The following ZCCHC4 variants were observed in gnomAD, a reference collection of about 807,000 sequenced individuals.
The protein encoded by ZCCHC4 is zinc finger CCHC-type containing 4.
ZCCHC4 carries 54 observed loss-of-function variants against 67.7 expected under a neutral mutation model. The ratio of observed to expected loss-of-function variants is 0.80; its 90% CI spans 0.64 to 1.00. The LOEUF is 1.00. Ranked by LOEUF, ZCCHC4 falls within the 50% of genes least tolerant of loss-of-function variation. ZCCHC4 has a pLI of 0.00. For synonymous variants in ZCCHC4, 198 were observed against 213.5 expected (o/e 0.93, Z 0.63); for missense variants, 609 against 617.0 (o/e 0.99, Z 0.14).
intron 3 of ZCCHC4, among the ~76,000 whole-genome samples, chr4:25,324,329 T>A (rs1718750677): frequency 6.6e-6 from 1 of 152,154 alleles, no homozygotes; most frequent in African/African-American, 2.4e-5. Flanking sequence ...TGTACTGTTT[T>A]TTAAGGGCAG....
intron 3 of ZCCHC4, among the ~76,000 whole-genome samples, chr4:25,317,063 C>G (rs979088436): frequency 6.6e-6 from 1 of 152,164 alleles, no homozygotes. Flanking sequence ...TTATCTCTTA[C>G]CTGTGTCACT....
intron 8 of ZCCHC4, among the ~76,000 whole-genome samples, chr4:25,360,003 C>T (rs1434841512): frequency 6.6e-6 from 1 of 152,232 alleles, no homozygotes; most frequent in Non-Finnish European, 1.5e-5. Context: ...GCTGTGCCGT[C>T]TATCACGGAC....
At chr4:25,317,651 G>A (rs902337078) in intron 3 of ZCCHC4, among the ~76,000 whole-genome samples, 2 of 134,772 alleles carry the variant, frequency 1.5e-5, no homozygotes, top group Non-Finnish European at 3.1e-5. Context: ...GCAGAGGTGA[G>A]CCAAGATCGT....
chr4:25,362,759 G>T (rs1459700833), intron 10 of ZCCHC4, among the ~76,000 whole-genome samples: 1 of 152,172 alleles, frequency 6.6e-6, no homozygotes, highest in Non-Finnish European at 1.5e-5. Context: ...GCCTTATTAG[G>T]TGCAGTTACT....
At chr4:25,328,599 A>G (rs1005066881) in intron 3 of ZCCHC4, among the ~76,000 whole-genome samples, 4 of 148,502 alleles carry the variant, frequency 2.7e-5, no homozygotes, top group African/African-American at 1.0e-4. Flanking sequence ...TTGTTTGTTT[A>G]GAGAAAGGAT....
chr4:25,331,460 A>C (rs1375810744), intron 3 of ZCCHC4, among the ~76,000 whole-genome samples: 1 of 151,878 alleles, frequency 6.6e-6, no homozygotes, highest in Non-Finnish European at 1.5e-5. Flanking sequence ...ACATACCACC[A>C]CACCTGGCTA....
At chr4:25,316,350 G>A (rs1718263908) in intron 3 of ZCCHC4, among the ~76,000 whole-genome samples, 1 of 152,162 alleles carries the variant, frequency 6.6e-6, no homozygotes, top group African/African-American at 2.4e-5. Context: ...CCTAGATGTG[G>A]AATTGTCAGT....
chr4:25,353,990 T>G (rs1436868746), intron 8 of ZCCHC4, among the ~76,000 whole-genome samples: 1 of 152,190 alleles, frequency 6.6e-6, no homozygotes, highest in Non-Finnish European at 1.5e-5. Flanking sequence ...CAAAAGTAAT[T>G]ACAGTTTTTG....
intron 6 of ZCCHC4, among the ~76,000 whole-genome samples, chr4:25,348,848 G>A (rs1431359108): frequency 6.6e-6 from 1 of 152,156 alleles, no homozygotes; most frequent in Non-Finnish European, 1.5e-5. Flanking sequence ...ACCATTAAAT[G>A]TCCCTGTTAA....
In ZCCHC4 at chr4:25,333,366, C is replaced by G; in HGVS notation, c.513C>G (p.Ala171=). The stretch of plus-strand genomic sequence containing the variant: ...CACTGGAAAACAAGAAGACAAATGC[C>G]CAGTATCTGTTTGCTGATCGGAGCT... ...LYPLENKKTN[A]QYLFADRSCQ... The change falls in exon 4 of 13, where the codon GCC becomes GCG. Residue 171 remains alanine (A), a synonymous_variant. Transcript: ENST00000302874. 1 of 1,614,114 alleles carries G rather than the reference C, an allele frequency of 6.2e-7. No individual in the cohort carries two copies. Among genetic ancestry groups the G allele is most frequent in the Non-Finnish European group, 8.5e-7 (1 of 1,180,002 alleles).
At chr4:25,314,262 C>A (rs1278324863) in intron 2 of ZCCHC4, 98 bp downstream of exon 2, 3 of 737,828 alleles carry the variant, frequency 4.1e-6, no homozygotes, top group Admixed American at 4.7e-5. Flanking sequence ...TCTGAACATA[C>A]AAGATAAATC....
At chr4:25,364,085 T>A (rs368489727) in intron 10 of ZCCHC4, among the ~76,000 whole-genome samples, 2 of 152,266 alleles carry the variant, frequency 1.3e-5, no homozygotes, top group East Asian at 3.8e-4. Context: ...TTCTCAAATA[T>A]GAATTTCATT....
chr4:25,323,069 A>G (rs1718667709), intron 3 of ZCCHC4, among the ~76,000 whole-genome samples: 2 of 152,204 alleles, frequency 1.3e-5, no homozygotes, highest in South Asian at 4.1e-4. Context: ...ATTAAGATTA[A>G]TCACGTGTTC....
At chr4:25,337,447 C>T (rs532338627) in intron 5 of ZCCHC4, among the ~76,000 whole-genome samples, 1 of 152,220 alleles carries the variant, frequency 6.6e-6, no homozygotes, top group South Asian at 2.1e-4. Flanking sequence ...GCTTAACTGC[C>T]CAGTGGAAAG....
intron 5 of ZCCHC4, among the ~76,000 whole-genome samples, chr4:25,336,375 CTTT>C (rs1198456687): frequency 6.6e-6 from 1 of 152,084 alleles, no homozygotes; most frequent in Admixed American, 6.6e-5. Context: ...CTAGAAACTT[CTTT>C]TTTTAAATTC....
chr4:25,345,254 A>G (rs1428609576), intron 5 of ZCCHC4, among the ~76,000 whole-genome samples: 4 of 152,228 alleles, frequency 2.6e-5, no homozygotes, highest in African/African-American at 9.6e-5. Context: ...TTGCATAATC[A>G]TCTGTCAGTA....
rs1169877261 is a variant in ZCCHC4 at position 25,359,951 on chromosome 4, C to T, written c.1012-1908C>T. Among the ~76,000 whole-genome samples the T allele has an allele frequency of 6.6e-6, 1 of 152,220 alleles. No individual in the cohort carries two copies. The highest frequency in any genetic ancestry group is 1.5e-5 in the Non-Finnish European group (1 of 68,044). Reference sequence around the variant, plus strand: ...AAGTGCTGGTGCTGGTAGACACCAGCGCAGATACATTCTGGGGTTGGATAT... The same window carrying T: ...AAGTGCTGGTGCTGGTAGACACCAGTGCAGATACATTCTGGGGTTGGATAT... On this transcript the variant is annotated intron_variant, in intron 8 of 12. Coordinates refer to ENST00000302874, the MANE Select transcript of ZCCHC4 (RefSeq NM_024936.3). The surrounding 1 kb of genome is among the most constrained non-coding windows in gnomAD (Gnocchi z 4.9).
chr4:25,313,027 C>A, intron 1 of ZCCHC4, 91 bp downstream of exon 1: 9 of 1,529,254 alleles, frequency 5.9e-6, no homozygotes, highest in Non-Finnish European at 7.9e-6. Context: ...TATTTTTACC[C>A]GCCTCTTTCC....
chr4:25,335,992 TTAAAGA>T (rs1719439532), intron 5 of ZCCHC4, among the ~76,000 whole-genome samples: 1 of 152,246 alleles, frequency 6.6e-6, no homozygotes, highest in Admixed American at 6.5e-5. Context: ...TATAGACTTC[TTAAAGA>T]TAAACTCGAT....
Sources: gnomAD v4.1 joint callset for allele counts (sites outside exome capture counted in the v4.1 genomes callset) on GRCh38, gnomAD v4.1.1 for gene constraint, Gnocchi (gnomAD v3.1) non-coding constraint, MANE v1.5 for transcripts, NCBI Gene and HGNC (gene_info 2026-07-23, HGNC 2026-07-21) for gene names.